The following CFAP92 variants were observed in gnomAD, a reference collection of about 807,000 sequenced individuals.
CFAP92 encodes the protein uncharacterized protein CFAP92.
In CFAP92, 86 loss-of-function variants were observed where a neutral mutation model predicts 106.3. The ratio of observed to expected loss-of-function variants is 0.81; its 90% CI spans 0.68 to 0.97. The LOEUF (loss-of-function observed/expected upper bound fraction) is 0.97, where lower values mean the gene tolerates loss of function less well. Ranked by LOEUF, CFAP92 falls within the 50% of genes least tolerant of loss-of-function variation. The pLI is 0.00. For synonymous variants in CFAP92, 477 were observed against 506.4 expected, an observed-to-expected ratio of 0.94 and a Z score of 0.78; for missense variants, 1,204 against 1,283.8, an observed-to-expected ratio of 0.94 and a Z score of 0.95.
At chr3:128,938,351 T>C (rs1225807257) in intron 10 of CFAP92, among the ~76,000 whole-genome samples, 1 of 151,958 alleles carries the variant, frequency 6.6e-6, no homozygotes, top group Admixed American at 6.6e-5. Flanking sequence ...GCCAGCAAAT[T>C]AGGAACAGAA....
At chr3:129,020,101 G>T in the CFAP92 span, among the ~76,000 whole-genome samples, 9 of 152,082 alleles carry the variant, frequency 5.9e-5, no homozygotes, top group African/African-American at 1.9e-4. Context: ...TGTGACTGTG[G>T]TTACCATATT....
intron 7 of CFAP92, among the ~76,000 whole-genome samples, chr3:128,972,398 C>T (rs1001009153): frequency 5.3e-5 from 8 of 151,912 alleles, no homozygotes; most frequent in East Asian, 3.9e-4. Flanking sequence ...CGTGCTACCA[C>T]GCCCAGCTAA....
At chr3:128,948,325 G>C (rs1424260619) in intron 9 of CFAP92, among the ~76,000 whole-genome samples, 1 of 149,694 alleles carries the variant, frequency 6.7e-6, no homozygotes, top group African/African-American at 2.5e-5. Flanking sequence ...TTCCCTAGTA[G>C]CTGGGACTAC....
intron 9 of CFAP92, among the ~76,000 whole-genome samples, chr3:128,947,930 G>A (rs1940392746): frequency 1.3e-5 from 2 of 151,964 alleles, no homozygotes; most frequent in Admixed American, 1.3e-4. Flanking sequence ...TTCTGACCAG[G>A]GGTTAGGCAA....
At chr3:129,002,252 C>A (rs1944819889) in intron 1 of CFAP92, 1 of 1,531,346 alleles carries the variant, frequency 6.5e-7, no homozygotes, top group Non-Finnish European at 8.7e-7. Context: ...AGGAGAATAG[C>A]AGCTTGCGCG....
chr3:128,964,762 T>C (rs907609740), intron 9 of CFAP92, among the ~76,000 whole-genome samples: 6 of 151,880 alleles, frequency 4.0e-5, no homozygotes, highest in Non-Finnish European at 7.4e-5. Flanking sequence ...ATCCCCACAA[T>C]ATCACCCCTT....
At chr3:129,002,279 GCGCGCCGCGCTGCAGAGC>G in intron 1 of CFAP92, 1 of 1,529,594 alleles carries the variant, frequency 6.5e-7, no homozygotes, top group Non-Finnish European at 8.7e-7. Context: ...TGGAGGACCT[GCGCGCCGCGCTGCAGAGC>G]AGTGATGCGC....
chr3:128,998,645 A>G (rs1944570738), upstream of CFAP92, among the ~76,000 whole-genome samples: 1 of 152,214 alleles, frequency 6.6e-6, no homozygotes. Flanking sequence ...TTTTGCGGAG[A>G]AAAGCTGAAA....
chr3:128,971,146 A>G, intron 8 of CFAP92, 141 bp downstream of exon 8: 1 of 1,376,930 alleles, frequency 7.3e-7, no homozygotes, highest in Non-Finnish European at 1.0e-6. Flanking sequence ...CTATGAAGCC[A>G]ATTCCCCTGA....
chr3:129,004,385 A>G (rs1471890274), upstream of CFAP92, among the ~76,000 whole-genome samples: 8 of 10,598 alleles, frequency 7.5e-4, no homozygotes, highest in African/African-American at 1.4e-3. Flanking sequence ...CCACCCACCC[A>G]TCCATCCACT....
chr3:128,968,901 T>C (rs145885023), intron 8 of CFAP92: 3,390 of 159,304 alleles, frequency 0.021, 61 homozygotes, highest in Non-Finnish European at 0.03. Context: ...GTCAGGCCTC[T>C]GAGCCCAAGC....
At chr3:129,000,119 C>T (rs928208714) in intron 1 of CFAP92, among the ~76,000 whole-genome samples, 13 of 152,336 alleles carry the variant, frequency 8.5e-5, no homozygotes, top group African/African-American at 3.1e-4. Context: ...AGGTTGTCTC[C>T]AGTTTCTCAC....
chr3:128,954,980 C>T (rs1484288541), intron 9 of CFAP92, among the ~76,000 whole-genome samples: 1 of 41,860 alleles, frequency 2.4e-5, no homozygotes, highest in Non-Finnish European at 3.8e-5. Flanking sequence ...GGTCAGCCCC[C>T]CTGCCCGGCC....
intron 15 of CFAP92, chr3:128,912,723 C>A: frequency 1.0e-6 from 1 of 979,816 alleles, no homozygotes; most frequent in Non-Finnish European, 1.6e-6. Context: ...CTTTTGTTCC[C>A]CGTCTGCACC....
rs115174494 is a variant in CFAP92, at chr3:128,909,970, G to T, written c.*329C>A. 3.1e-6 allele frequency: 5 copies of T among 1,605,268 alleles called. No individual in the cohort carries two copies. The highest frequency in any genetic ancestry group is 2.2e-5 in the South Asian group (2 of 89,000). On this transcript the variant is annotated 3_prime_UTR_variant, in exon 16 of 16. Transcript: ENST00000645291. ...GATGCAGCCCAGGGAGGGACCATGT[G>T]GGGGACTGGTCTAGGTAGTGAGTCC...
At chr3:129,001,634 G>A (rs1406691943) in intron 1 of CFAP92, 2 of 1,364,742 alleles carry the variant, frequency 1.5e-6, no homozygotes, top group Non-Finnish European at 9.4e-7. Context: ...CAGCGATGGA[G>A]CCGGTCAGCA....
At chr3:128,948,077 G>C (rs1400472260) in intron 9 of CFAP92, among the ~76,000 whole-genome samples, 1 of 152,072 alleles carries the variant, frequency 6.6e-6, no homozygotes, top group East Asian at 1.9e-4. Flanking sequence ...TCACAGATTG[G>C]GTTAAAAATA....
intron 15 of CFAP92, among the ~76,000 whole-genome samples, chr3:128,913,443 T>C (rs189981850): frequency 5.1e-4 from 78 of 152,274 alleles, no homozygotes; most frequent in Non-Finnish European, 1.0e-3. Flanking sequence ...GCCTTTGCAT[T>C]TCTCCAGCCT....
intron 10 of CFAP92, among the ~76,000 whole-genome samples, chr3:128,943,399 GCCTA>G (rs1374667590): frequency 6.6e-6 from 1 of 152,076 alleles, no homozygotes; most frequent in Non-Finnish European, 1.5e-5. Context: ...GCAACCACCG[GCCTA>G]CCTATCTCTA....
Sources: gnomAD v4.1 joint callset for allele counts (sites outside exome capture counted in the v4.1 genomes callset) on GRCh38, gnomAD v4.1.1 for gene constraint, MANE v1.5 for transcripts, NCBI Gene and HGNC (gene_info 2026-07-23, HGNC 2026-07-21) for gene names.